The following RYR2 variants were observed in gnomAD, a reference collection of about 807,000 sequenced individuals.
RYR2 encodes ryanodine receptor 2.
RYR2 carries 227 observed loss-of-function variants against 601.1 expected under a neutral mutation model. That is an observed-to-expected ratio of 0.38 (90% CI 0.34 to 0.42). The LOEUF (loss-of-function observed/expected upper bound fraction) is 0.42. Among genes scored for constraint, RYR2 ranks in the 10% least tolerant of loss-of-function variants. The pLI is 1.00. For synonymous variants in RYR2, 2,223 were observed against 2,175.1 expected, an observed-to-expected ratio of 1.02 and a Z score of -0.61; for missense variants, 4,646 against 6,156.5, an observed-to-expected ratio of 0.75 and a Z score of 8.21.
rs71178385 is a variant in RYR2 at position 237,073,866 on chromosome 1, TA to T, written c.48+31315del. 2.1e-3 allele frequency among the ~76,000 whole-genome samples: 263 copies of T among 123,244 alleles called. 1 individual carries two copies. Among genetic ancestry groups the T allele is most frequent in the Admixed American group, 5.3e-3 (60 of 11,296 alleles). The allele number at this position is 123,244 out of a possible 152,430, so 80.9% of individuals were successfully genotyped here. On this transcript the variant is annotated intron_variant, in intron 1 of 104. Transcript: ENST00000366574. ...AGCCTGGGCGACAGAGACTCCATCT[TA>T]AAAAAAAAAAAAAAAAAGCTTCAGT...
At chr1:237,611,353 G>A (rs911757435) in intron 36 of RYR2, among the ~76,000 whole-genome samples, 1 of 152,018 alleles carries the variant, frequency 6.6e-6, no homozygotes, top group African/African-American at 2.4e-5. Context: ...ATTAGAGATG[G>A]AATCATAAGA....
At position 237,536,863 on chromosome 1, in the gene RYR2, G is replaced by A. The variant is rs577981603; in HGVS notation, c.2906+6353G>A. Among the ~76,000 whole-genome samples the A allele has an allele frequency of 5.5e-3, 823 of 149,146 alleles. 14 individuals carry two copies. The highest frequency in any genetic ancestry group is 0.019 in the African/African-American group (776 of 39,912). Reference sequence around the variant, plus strand: ...ATCGCGCCACTGCACTCCAGCCTGGGCGACAGAGCGAGACTCCATCTCAAA... The same window carrying A: ...ATCGCGCCACTGCACTCCAGCCTGGACGACAGAGCGAGACTCCATCTCAAA... On this transcript the variant is annotated intron_variant, in intron 25 of 104. Coordinates refer to ENST00000366574, the MANE Select transcript of RYR2 (RefSeq NM_001035.3).
chr1:237,704,344 T>C (rs1452799339), intron 66 of RYR2, among the ~76,000 whole-genome samples: 1 of 152,108 alleles, frequency 6.6e-6, no homozygotes, highest in Non-Finnish European at 1.5e-5. Context: ...ATTTTTAAAA[T>C]CATCAACCAT....
intron 7 of RYR2, among the ~76,000 whole-genome samples, chr1:237,376,191 G>T (rs746637953): frequency 1.3e-5 from 2 of 152,202 alleles, no homozygotes; most frequent in Non-Finnish European, 2.9e-5. Flanking sequence ...TGAAGATAAA[G>T]AATTCTGCCA....
intron 3 of RYR2, among the ~76,000 whole-genome samples, chr1:237,342,614 T>A (rs1697925066): frequency 1.3e-5 from 2 of 152,148 alleles, no homozygotes; most frequent in African/African-American, 4.8e-5. Context: ...GAGCATGAGG[T>A]CAGTACTCGT....
intron 35 of RYR2, among the ~76,000 whole-genome samples, chr1:237,604,517 G>A (rs1238474746): frequency 6.6e-6 from 1 of 152,104 alleles, no homozygotes; most frequent in African/African-American, 2.4e-5. Context: ...AAGAACTAGA[G>A]AAGCAAGAGC....
chr1:237,212,726 C>A (rs796475929), intron 1 of RYR2, among the ~76,000 whole-genome samples: 11 of 152,254 alleles, frequency 7.2e-5, no homozygotes, highest in African/African-American at 2.2e-4. Flanking sequence ...TGCATTCCAA[C>A]ACATGGAAAA....
intron 1 of RYR2, among the ~76,000 whole-genome samples, chr1:237,216,752 CAAA>C (rs11316763): frequency 9.0e-6 from 1 of 110,942 alleles, no homozygotes; most frequent in Non-Finnish European, 2.0e-5. Context: ...CACCCCCCAC[CAAA>C]AAAAAAAAAA....
intron 3 of RYR2, among the ~76,000 whole-genome samples, chr1:237,346,562 T>G (rs1008072055): frequency 1.3e-5 from 2 of 152,114 alleles, no homozygotes; most frequent in South Asian, 2.1e-4. Flanking sequence ...ACCCTTTCCT[T>G]GTATTGAGTT....
intron 3 of RYR2, among the ~76,000 whole-genome samples, chr1:237,344,318 T>G (rs1212316102): frequency 6.6e-6 from 1 of 152,184 alleles, no homozygotes; most frequent in Non-Finnish European, 1.5e-5. Context: ...AGCAGACCGT[T>G]CCTAATTTAA....
intron 86 of RYR2, 73 bp downstream of exon 86, chr1:237,772,173 T>C: frequency 2.5e-6 from 2 of 806,820 alleles, no homozygotes; most frequent in South Asian, 1.6e-5. Context: ...AGTTTTAATG[T>C]GTTTTGGTTT....
chr1:237,705,338 G>A lies in RYR2; in HGVS notation c.9575G>A (p.Arg3192Lys). 1.2e-6 allele frequency: 2 copies of A among 1,603,936 alleles called. No homozygotes were observed. Among genetic ancestry groups the A allele is most frequent in the African/African-American group, 1.3e-5 (1 of 74,956 alleles). ...TACAATACCAAGTCTTCACGAGAAA[G>A]AGCAGGTAACACAGAAACATGTGCA... ...SIYNTKSSRE[R>K]AALSLPTNVE... The change falls in exon 67 of 105, where the codon AGA becomes AAA. Residue 3192 changes from arginine to lysine, a missense_variant. This residue lies in a region of RYR2 where 1,497 missense variants were observed against 1,842.6 expected (regional missense o/e 0.81). Coordinates refer to ENST00000366574, the MANE Select transcript of RYR2 (RefSeq NM_001035.3).
chr1:237,713,535 T>C (rs1418050871), intron 71 of RYR2, among the ~76,000 whole-genome samples: 3 of 152,082 alleles, frequency 2.0e-5, no homozygotes, highest in African/African-American at 7.2e-5. Flanking sequence ...TAGCTGGGAC[T>C]ATACAGGCGC....
chr1:237,270,377 T>A (rs1689558501), intron 1 of RYR2, 120 bp from the exon 2 acceptor site: 2 of 1,404,592 alleles, frequency 1.4e-6, no homozygotes, highest in Middle Eastern at 1.8e-4. Flanking sequence ...TTGACAGTAG[T>A]TTTTACATTC....
chr1:237,773,302 T>C lies in RYR2; in HGVS notation c.11647-218T>C, dbSNP rs796391943. Among the ~76,000 whole-genome samples, 11 of 152,322 alleles carry C rather than the reference T, an allele frequency of 7.2e-5. 1 individual carries two copies. Among genetic ancestry groups the C allele is most frequent in the African/African-American group, 2.6e-4 (11 of 41,592 alleles). On this transcript the variant is annotated intron_variant, in intron 86 of 104. Transcript: ENST00000366574. ...TTTTTAAAGCTAAGTTTTCTTCTTC[T>C]TGTCTTCTCTTCAGTTGTTAGCTAT...
intron 102 of RYR2, 26 bp downstream of exon 102, chr1:237,828,471 C>G (rs1663405904): frequency 6.7e-7 from 1 of 1,503,202 alleles, no homozygotes; most frequent in Non-Finnish European, 9.1e-7. Flanking sequence ...CATGACTCAG[C>G]TTCTTTGTTG....
At chr1:237,626,184 T>C (rs1453268340) in intron 40 of RYR2, among the ~76,000 whole-genome samples, 2 of 152,226 alleles carry the variant, frequency 1.3e-5, no homozygotes, top group African/African-American at 2.4e-5. Context: ...TAAACAGATA[T>C]TGTCTTTATA....
chr1:237,461,172 A>G (rs548662387), intron 16 of RYR2, among the ~76,000 whole-genome samples: 3 of 152,300 alleles, frequency 2.0e-5, no homozygotes, highest in South Asian at 2.1e-4. Flanking sequence ...CTATCCCCAG[A>G]CTGCAAATTT....
chr1:237,804,029 G>T (rs989028554), intron 98 of RYR2, among the ~76,000 whole-genome samples: 1 of 152,122 alleles, frequency 6.6e-6, no homozygotes, highest in African/African-American at 2.4e-5. Flanking sequence ...ATTCATCAGA[G>T]ATCTTGCTAA....
Sources: allele counts gnomAD v4.1 joint callset (sites outside exome capture counted in the v4.1 genomes callset), GRCh38; gene constraint gnomAD v4.1.1; regional missense constraint gnomAD v4.1.1; transcripts MANE v1.5; gene names NCBI Gene and HGNC (gene_info 2026-07-23, HGNC 2026-07-21).